MAP6: variants seen among roughly 807,000 people sequenced by gnomAD.
MAP6 encodes the protein microtubule associated protein 6, also known as microtubule-associated protein 6.
A neutral mutation model predicts 42.4 loss-of-function variants in MAP6; 26 were observed. The observed-to-expected ratio is 0.61, with a 90% CI of 0.45 to 0.85. MAP6 has a LOEUF of 0.85. Ranked by LOEUF, MAP6 falls within the 40% of genes least tolerant of loss-of-function variation. MAP6 has a pLI of 0.00. For missense variants in MAP6, 966 were observed against 1,099.0 expected (o/e 0.88, Z 1.71); for synonymous variants, 418 against 443.8 (o/e 0.94, Z 0.73).
Position 75,658,400 on chromosome 11 carries a change from C to CG in MAP6, c.905+9064_905+9065insC, listed in dbSNP as rs367728980. ...CTCAGTGTATACCATTTCTCCACCCCCCCCGCCCCAGACAGCCAAAACATG... is the reference window on the plus strand; with the variant it reads ...CTCAGTGTATACCATTTCTCCACCCCGCCCCGCCCCAGACAGCCAAAACATG... On this transcript the variant is annotated intron_variant, in intron 1 of 3. Coordinates refer to ENST00000304771, the MANE Select transcript of MAP6 (RefSeq NM_033063.2). 6.8e-3 allele frequency among the ~76,000 whole-genome samples: 683 copies of CG among 100,476 alleles called. 5 individuals are homozygous for CG. Among genetic ancestry groups the CG allele is most frequent in the African/African-American group, 0.027 (642 of 23,690 alleles). The allele number at this position is 100,476 out of a possible 152,430, so 65.9% of individuals were successfully genotyped here.
intron 1 of MAP6, among the ~76,000 whole-genome samples, chr11:75,609,980 A>G (rs749720321): frequency 6.6e-6 from 1 of 152,212 alleles, no homozygotes; most frequent in Non-Finnish European, 1.5e-5. Context: ...TAGTGTATTA[A>G]TAGGCAATTG....
chr11:75,639,960 A>G (rs954078658), intron 1 of MAP6, among the ~76,000 whole-genome samples: 2 of 152,156 alleles, frequency 1.3e-5, no homozygotes, highest in Non-Finnish European at 2.9e-5. Flanking sequence ...ACTCCATTGA[A>G]CACACACGAG....
At chr11:75,610,695 G>T (rs1942881448) in intron 1 of MAP6, among the ~76,000 whole-genome samples, 1 of 152,190 alleles carries the variant, frequency 6.6e-6, no homozygotes, top group Non-Finnish European at 1.5e-5. Flanking sequence ...GGGAATAGTG[G>T]AGGCAAGAGG....
At chr11:75,619,451 C>T (rs1194169730) in intron 1 of MAP6, among the ~76,000 whole-genome samples, 3 of 152,100 alleles carry the variant, frequency 2.0e-5, no homozygotes, top group African/African-American at 7.2e-5. Context: ...TATTTCATCA[C>T]CCACGTATTA....
At chr11:75,644,002 T>C (rs1374056223) in intron 1 of MAP6, among the ~76,000 whole-genome samples, 2 of 152,236 alleles carry the variant, frequency 1.3e-5, no homozygotes, top group East Asian at 3.8e-4. Flanking sequence ...AGAAAACAAT[T>C]CTATTCTTAG....
intron 3 of MAP6, among the ~76,000 whole-genome samples, chr11:75,589,710 T>G (rs73505038): frequency 0.014 from 2,189 of 152,294 alleles, 66 homozygotes; most frequent in African/African-American, 0.051. Context: ...ATTACTCTAT[T>G]TATTGGGTAT....
chr11:75,667,798 A>T lies in MAP6; in HGVS notation c.572T>A (p.Leu191His). ...CTGCGGCCGGCGCTTGGGCGCCCCG[A>T]GAATGGGCGCCGACGCCTGGGAGGC... ...SAASQASAPILGAPKRRPQSQ... is the reference protein window; with the variant it reads ...SAASQASAPIHGAPKRRPQSQ... The change falls in exon 1 of 4, where the codon CTC (leucine) becomes CAC (histidine). Residue 191 changes from leucine to histidine, a missense_variant. Leu to His is a moderately conservative substitution (Grantham distance 99, BLOSUM62 -3). Around this residue, in one of 2 missense-constraint regions of MAP6, gnomAD observed 943 missense variants for 1,049.9 expected, o/e 0.90. Coordinates refer to ENST00000304771, the MANE Select transcript of MAP6 (RefSeq NM_033063.2). The surrounding 1 kb of genome is among the most constrained non-coding windows in gnomAD (Gnocchi z 5.6). The T allele has an allele frequency of 1.5e-6, 2 of 1,309,064 alleles. No individual in the cohort carries two copies. The highest frequency in any genetic ancestry group is 2.1e-5 in the South Asian group (1 of 46,908). The allele number at this position is 1,309,064 out of a possible 1,614,324, so 81.1% of individuals were successfully genotyped here.
intron 3 of MAP6, among the ~76,000 whole-genome samples, chr11:75,602,480 C>G (rs1266593400): frequency 6.6e-6 from 1 of 152,188 alleles, no homozygotes; most frequent in East Asian, 1.9e-4. Context: ...GCATCTCTGC[C>G]ATCCCTTGGG....
intron 3 of MAP6, among the ~76,000 whole-genome samples, chr11:75,589,449 C>A (rs1019294374): frequency 6.6e-6 from 1 of 152,236 alleles, no homozygotes; most frequent in South Asian, 2.1e-4. Flanking sequence ...GCCTACAACA[C>A]ATCCAGCTTT....
intron 1 of MAP6, among the ~76,000 whole-genome samples, chr11:75,665,800 T>G (rs1943936760): frequency 6.6e-6 from 1 of 152,182 alleles, no homozygotes; most frequent in Admixed American, 6.5e-5. Flanking sequence ...ATTTATGTCC[T>G]TGTTTGACCA....
At position 75,608,173 on chromosome 11, in the gene MAP6, T is replaced by C. The variant is rs199872323; in HGVS notation, c.1055A>G (p.Asn352Ser). Residue 352 changes from asparagine to serine, a missense_variant, in exon 2 of 4, where the codon AAT becomes AGT. Physicochemically the swap from Asn to Ser is conservative, Grantham distance 46. Around this residue, in one of 2 missense-constraint regions of MAP6, gnomAD observed 943 missense variants for 1,049.9 expected, o/e 0.90. Coordinates refer to ENST00000304771, the MANE Select transcript of MAP6 (RefSeq NM_033063.2). ...TATTCTTCTGCGATCAATGACCTTA[T>C]TGTCAGCTGTTGTTGGCTTGCTGGC... The part of the protein sequence containing the change: ...GEASKPTTAD[N>S]KVIDRRRIRS... The C allele has an allele frequency of 2.7e-4, 435 of 1,614,222 alleles. No homozygotes were observed. The highest frequency in any genetic ancestry group is 3.8e-4 in the Admixed American group (23 of 60,032).
intron 1 of MAP6, among the ~76,000 whole-genome samples, chr11:75,664,632 T>C (rs1187186719): frequency 2.6e-5 from 4 of 152,248 alleles, no homozygotes; most frequent in African/African-American, 4.8e-5. Context: ...GCTTGGCTTC[T>C]AAGCCTTCTA....
At chr11:75,602,328 G>T (rs1590758588) in intron 3 of MAP6, among the ~76,000 whole-genome samples, 2 of 152,252 alleles carry the variant, frequency 1.3e-5, no homozygotes, top group East Asian at 3.9e-4. Flanking sequence ...CTGATCTGTT[G>T]TTGCTTGGTG....
At chr11:75,619,751 T>C (rs199567277) in intron 1 of MAP6, among the ~76,000 whole-genome samples, 1 of 152,242 alleles carries the variant, frequency 6.6e-6, no homozygotes, top group Non-Finnish European at 1.5e-5. Flanking sequence ...GTTGGTTCCA[T>C]GTCTTTGCTA....
At position 75,668,395 on chromosome 11, in the gene MAP6, T is replaced by C; in HGVS notation, c.-26A>G. On this transcript the variant is annotated 5_prime_UTR_variant, in exon 1 of 4. Transcript: ENST00000304771. ...GATGCTAGCTGAAAAGCCGGCCTCC[T>C]CTTTCTTCTTGTGGTTCTAAAGCAA... is the stretch of plus-strand genomic sequence containing the variant. 6.4e-7 allele frequency: 1 copy of C among 1,562,632 alleles called. No homozygotes were observed. The highest frequency in any genetic ancestry group is 8.6e-7 in the Non-Finnish European group (1 of 1,161,740).
chr11:75,607,281 G>T, intron 2 of MAP6: 1 of 985,460 alleles, frequency 1.0e-6, no homozygotes, highest in Non-Finnish European at 1.2e-6. Flanking sequence ...CAAAAGCAGA[G>T]AAAAGGATAA....
chr11:75,638,309 T>C (rs1005002749), intron 1 of MAP6, among the ~76,000 whole-genome samples: 8 of 152,224 alleles, frequency 5.3e-5, no homozygotes, highest in African/African-American at 1.7e-4. Context: ...AGAAACATTC[T>C]GCTTGAAATG....
At chr11:75,606,611 G>T (rs149372976) in intron 2 of MAP6, among the ~76,000 whole-genome samples, 1 of 152,112 alleles carries the variant, frequency 6.6e-6, no homozygotes, top group East Asian at 1.9e-4. Flanking sequence ...TGCAGCACCC[G>T]CTGGCTTCCC....
chr11:75,588,567 C>A (rs1356704308), intron 3 of MAP6, among the ~76,000 whole-genome samples: 1 of 152,158 alleles, frequency 6.6e-6, no homozygotes, highest in African/African-American at 2.4e-5. Context: ...TTGGGCCCAT[C>A]CTGGGAGCCC....
Sources: allele counts gnomAD v4.1 joint callset (sites outside exome capture counted in the v4.1 genomes callset), GRCh38; gene constraint gnomAD v4.1.1; regional missense constraint gnomAD v4.1.1; non-coding constraint Gnocchi (gnomAD v3.1); transcripts MANE v1.5; gene names NCBI Gene and HGNC (gene_info 2026-07-23, HGNC 2026-07-21).